Variants in CMIP observed in about 807,000 individuals in gnomAD.
CMIP encodes C-Maf-inducing protein.
CMIP carries 13 observed loss-of-function variants against 97.3 expected under a neutral mutation model. The observed-to-expected ratio is 0.13, with a 90% CI of 0.09 to 0.21. The LOEUF (loss-of-function observed/expected upper bound fraction) is 0.21. Among genes scored for constraint, CMIP ranks in the 10% least tolerant of loss-of-function variants. The pLI, the probability that CMIP is intolerant of heterozygous loss-of-function variation, is 1.00. For missense variants in CMIP, 847 were observed against 1,024.9 expected, an observed-to-expected ratio of 0.83 and a Z score of 2.37; for synonymous variants, 538 against 436.3, an observed-to-expected ratio of 1.23 and a Z score of -2.91.
chr16:81,452,880 G>GTTTTGT (rs1906311500), intron 1 of CMIP, among the ~76,000 whole-genome samples: 5 of 63,734 alleles, frequency 7.8e-5, no homozygotes, highest in Non-Finnish European at 1.2e-4. Flanking sequence ...TTTTTTTTTT[G>GTTTTGT]TTTTGTTTTT....
At chr16:81,574,285 G>A (rs1480833155) in intron 1 of CMIP, among the ~76,000 whole-genome samples, 1 of 150,616 alleles carries the variant, frequency 6.6e-6, no homozygotes, top group East Asian at 1.9e-4. Flanking sequence ...TCCTCCAACT[G>A]CTTGGCCACC....
intron 1 of CMIP, among the ~76,000 whole-genome samples, chr16:81,569,326 T>C (rs937450011): frequency 1.3e-5 from 2 of 152,238 alleles, no homozygotes; most frequent in African/African-American, 4.8e-5. Flanking sequence ...AATGATGAAA[T>C]GACTTCGGCG....
At position 81,627,092 on chromosome 16, in the gene CMIP, G is replaced by T. The variant is rs80302410; in HGVS notation, c.477+6166G>T. ...TGTGTTTGTGTATGTGTGGTGTGTG[G>T]GGGTGACTGTGAGAGTGTGTGTGTG... On this transcript the variant is annotated intron_variant, in intron 3 of 20. Coordinates refer to ENST00000537098, the MANE Select transcript of CMIP (RefSeq NM_198390.3). The surrounding 1 kb of genome is among the most constrained non-coding windows in gnomAD (Gnocchi z 4.6). Among the ~76,000 whole-genome samples the T allele has an allele frequency of 5.7e-3, 829 of 145,158 alleles. 9 individuals carry two copies. Among genetic ancestry groups the T allele is most frequent in the African/African-American group, 0.021 (802 of 38,860 alleles).
intron 9 of CMIP, among the ~76,000 whole-genome samples, chr16:81,673,200 G>A (rs553494159): frequency 6.6e-6 from 1 of 152,096 alleles, no homozygotes; most frequent in Non-Finnish European, 1.5e-5. Context: ...GGGAAGGGAG[G>A]ACATCAGTGA....
chr16:81,589,319 A>G (rs563235421), intron 1 of CMIP, among the ~76,000 whole-genome samples: 1 of 151,866 alleles, frequency 6.6e-6, no homozygotes, highest in South Asian at 2.1e-4. Context: ...CTGGTCTCGA[A>G]CTCCTGGGGT....
At chr16:81,520,588 GAGAGA>G (rs2090003592) in intron 1 of CMIP, 1 of 151,094 alleles carries the variant, frequency 6.6e-6, no homozygotes, top group Non-Finnish European at 1.5e-5. Flanking sequence ...GAGAGAGAGA[GAGAGA>G]GAGAGAGAGA....
At chr16:81,607,546 C>G (rs2091764468) in intron 1 of CMIP, 21 bp from the exon 2 acceptor site, 1 of 1,612,612 alleles carries the variant, frequency 6.2e-7, no homozygotes, top group Non-Finnish European at 8.5e-7. Flanking sequence ...CATATCTCTT[C>G]TTTTTCTTTT....
Position 81,652,318 on chromosome 16 carries a change from C to G in CMIP, c.593C>G (p.Ser198Cys), listed in dbSNP as rs751851339. The change falls in exon 4 of 21, where the codon TCC becomes TGC. Residue 198 changes from serine to cysteine, a missense_variant. Transcript: ENST00000537098. This position sits in a 1 kb window ranked among gnomAD's most constrained non-coding sequence, Gnocchi z 5.2. ...MALTSPLQDD[S>C]INQAPLEIVS... The stretch of plus-strand genomic sequence containing the variant: ...CTGACATCCCCCCTGCAGGATGACT[C>G]CATCAACCAGGCCCCACTGGAAATC... 6.2e-7 allele frequency: 1 copy of G among 1,613,918 alleles called. No individual in the cohort carries two copies. Among genetic ancestry groups the G allele is most frequent in the Non-Finnish European group, 8.5e-7 (1 of 1,179,838 alleles).
intron 1 of CMIP, among the ~76,000 whole-genome samples, chr16:81,486,432 C>T (rs1162744057): frequency 1.3e-5 from 2 of 152,208 alleles, no homozygotes; most frequent in Admixed American, 6.5e-5. Context: ...TTCTAATTCA[C>T]CTCATACGTC....
At chr16:81,471,210 A>C (rs1172287687) in intron 1 of CMIP, among the ~76,000 whole-genome samples, 1 of 152,256 alleles carries the variant, frequency 6.6e-6, no homozygotes, top group Non-Finnish European at 1.5e-5. Flanking sequence ...ACATGCGCAC[A>C]CACATACATG....
chr16:81,563,195 C>A (rs1409300984), intron 1 of CMIP, among the ~76,000 whole-genome samples: 1 of 152,240 alleles, frequency 6.6e-6, no homozygotes, highest in Non-Finnish European at 1.5e-5. Context: ...CGAGCCACAA[C>A]CTGGCTGGCA....
chr16:81,694,721 C>G (rs1225232447), intron 13 of CMIP, among the ~76,000 whole-genome samples: 3 of 152,288 alleles, frequency 2.0e-5, no homozygotes, highest in East Asian at 1.9e-4. Context: ...CGTTTTGATG[C>G]GTTTTGAACA....
At chr16:81,596,212 A>T (rs902631639) in intron 1 of CMIP, among the ~76,000 whole-genome samples, 13 of 152,124 alleles carry the variant, frequency 8.5e-5, no homozygotes, top group African/African-American at 2.2e-4. Context: ...TTATTTTTTT[A>T]AAAAATCTTT....
At chr16:81,581,732 C>T (rs567688055) in intron 1 of CMIP, among the ~76,000 whole-genome samples, 12 of 152,104 alleles carry the variant, frequency 7.9e-5, no homozygotes, top group Admixed American at 2.6e-4. Context: ...GAGGGAAAAC[C>T]GAGGCACAGG....
intron 10 of CMIP, among the ~76,000 whole-genome samples, chr16:81,686,932 C>T (rs1468211578): frequency 6.6e-6 from 1 of 151,882 alleles, no homozygotes; most frequent in Non-Finnish European, 1.5e-5. Flanking sequence ...CCCCTGGCCT[C>T]TCCCGTGGGT....
At chr16:81,470,945 C>T (rs1907490941) in intron 1 of CMIP, among the ~76,000 whole-genome samples, 1 of 152,222 alleles carries the variant, frequency 6.6e-6, no homozygotes, top group Non-Finnish European at 1.5e-5. Context: ...TACACATAGG[C>T]ACACACATAT....
chr16:81,477,011 A>G (rs973652283), intron 1 of CMIP, among the ~76,000 whole-genome samples: 4 of 151,876 alleles, frequency 2.6e-5, no homozygotes, highest in African/African-American at 4.8e-5. Flanking sequence ...GGCTTCATCT[A>G]TAGTAGGACC....
chr16:81,597,763 T>G (rs921241896), intron 1 of CMIP, among the ~76,000 whole-genome samples: 5 of 152,128 alleles, frequency 3.3e-5, no homozygotes, highest in African/African-American at 1.2e-4. Flanking sequence ...CACTCAACTG[T>G]CAAAGATGCC....
intron 1 of CMIP, among the ~76,000 whole-genome samples, chr16:81,591,089 C>T (rs2091460048): frequency 6.6e-6 from 1 of 152,172 alleles, no homozygotes; most frequent in Admixed American, 6.5e-5. Flanking sequence ...GTTTGCTAAG[C>T]TCTGATTTAG....
Sources: allele counts gnomAD v4.1 joint callset (sites outside exome capture counted in the v4.1 genomes callset), GRCh38; gene constraint gnomAD v4.1.1; non-coding constraint Gnocchi (gnomAD v3.1); transcripts MANE v1.5; gene names NCBI Gene and HGNC (gene_info 2026-07-23, HGNC 2026-07-21).